NOBOX: variants seen among roughly 807,000 people sequenced by gnomAD.
NOBOX encodes NOBOX oogenesis homeobox, also known as homeobox protein NOBOX.
In NOBOX, 46 loss-of-function variants were observed where a neutral mutation model predicts 60.2. The ratio of observed to expected loss-of-function variants is 0.76; its 90% confidence interval spans 0.60 to 0.98. The LOEUF (loss-of-function observed/expected upper bound fraction) is 0.98. Ranked by LOEUF, NOBOX falls within the 50% of genes least tolerant of loss-of-function variation. The pLI is 0.00. For synonymous variants in NOBOX, 360 were observed against 346.3 expected, an observed-to-expected ratio of 1.04 and a Z score of -0.44; for missense variants, 880 against 865.5, an observed-to-expected ratio of 1.02 and a Z score of -0.21.
Position 144,401,560 on chromosome 7 carries a change from G to A in NOBOX, c.330C>T (p.Pro110=), listed in dbSNP as rs538752866. The change falls in exon 4 of 10, where the codon CCC becomes CCT. Residue 110 remains proline (P), a synonymous_variant. Coordinates refer to ENST00000467773, the MANE Select transcript of NOBOX (RefSeq NM_001080413.3). The surrounding 1 kb of genome is among the most constrained non-coding windows in gnomAD (Gnocchi z 4.2). The stretch of plus-strand genomic sequence containing the variant: ...AGCCCCGGAGCAGTTCCTCCTCCCC[G>A]GGTCCTGCAGCCAGGGGCTTCTCTC... 21 of 1,510,988 alleles carry A rather than the reference G, an allele frequency of 1.4e-5. No individual in the cohort carries two copies. The highest frequency in any genetic ancestry group is 9.7e-5 in the South Asian group (7 of 72,510). 93.6% of individuals were successfully genotyped at this position (1,510,988 alleles called of 1,614,324 possible).
intron 2 of NOBOX, 124 bp downstream of exon 1, chr7:144,403,524 ACCCGACTCC>A: frequency 8.3e-6 from 1 of 120,726 alleles, no homozygotes. Context: ...ACCCTACCCC[ACCCGACTCC>A]ACCCGGCCCT....
chr7:144,403,798 G>T (rs868751232), intron 2 of NOBOX, 105 bp from the exon 1 acceptor site: 2 of 406,042 alleles, frequency 4.9e-6, no homozygotes, highest in Non-Finnish European at 4.4e-6. Flanking sequence ...GGGCCGGGCC[G>T]GGGGAGCCGT....
At position 144,399,741 on chromosome 7, in the gene NOBOX, G is replaced by A; in HGVS notation, c.1154+16C>T. 1.3e-6 allele frequency: 2 copies of A among 1,588,992 alleles called. No individual in the cohort carries two copies. Among genetic ancestry groups the A allele is most frequent in the Non-Finnish European group, 1.7e-6 (2 of 1,162,854 alleles). ...TCTACCCACAGGGATGATACAGAAA[G>A]AGGAAGAATTCTGACCTGCATTGAC... is the stretch of plus-strand genomic sequence containing the variant. On this transcript the variant is annotated intron_variant, in intron 6 of 9. Coordinates refer to ENST00000467773, the MANE Select transcript of NOBOX (RefSeq NM_001080413.3).
At position 144,399,002 on chromosome 7, in the gene NOBOX, C is replaced by A. The variant is rs1471314394; in HGVS notation, c.1417G>T (p.Ala473Ser). The change falls in exon 8 of 10, where the codon GCT becomes TCT. Residue 473 changes from alanine to serine, a missense_variant. Coordinates refer to ENST00000467773, the MANE Select transcript of NOBOX (RefSeq NM_001080413.3). ...TCCTTGTGGCTGCTGTCACTGCCAG[C>A]AACATCCATCAGCAGTGGCATCAGT... 5 of 1,586,284 alleles carry A rather than the reference C, an allele frequency of 3.2e-6. No homozygotes were observed. Among genetic ancestry groups the A allele is most frequent in the Non-Finnish European group, 4.3e-6 (5 of 1,166,752 alleles).
intron 1 of NOBOX, among the ~76,000 whole-genome samples, chr7:144,409,200 A>G (rs192644587): frequency 6.6e-6 from 1 of 152,356 alleles, no homozygotes. Context: ...TTTGCTTAAT[A>G]GTAACTTTAA....
rs369112705 is a variant in NOBOX at position 144,400,334 on chromosome 7, G to T, written c.845-22C>A. ...TGATCTGAAAGAAGAAGAAACTTGTGTGAGGAGGACAAATGCCAGTGACAG... is the reference window on the plus strand; with the variant it reads ...TGATCTGAAAGAAGAAGAAACTTGTTTGAGGAGGACAAATGCCAGTGACAG... On this transcript the variant is annotated intron_variant, in intron 4 of 9. Coordinates refer to ENST00000467773, the MANE Select transcript of NOBOX (RefSeq NM_001080413.3). 5 of 1,607,628 alleles carry T rather than the reference G, an allele frequency of 3.1e-6. No homozygotes were observed. The Admixed American group carries it at 8.3e-5, about 27-fold the overall frequency.
chr7:144,408,370 A>G (rs566813742), intron 1 of NOBOX, among the ~76,000 whole-genome samples: 1 of 151,488 alleles, frequency 6.6e-6, no homozygotes, highest in South Asian at 2.1e-4. Context: ...CTCCCCTTGT[A>G]CTGTGTTTAC....
At position 144,398,264 on chromosome 7, in the gene NOBOX, C is replaced by A; in HGVS notation, c.1774+18G>T. The A allele has an allele frequency of 1.3e-6, 2 of 1,536,534 alleles. No individual in the cohort carries two copies. Among genetic ancestry groups the A allele is most frequent in the South Asian group, 2.4e-5 (2 of 83,912 alleles). Reference sequence around the variant, plus strand: ...TTCCTCAATCTCAAGGGGACCTTCTCTCCCAGCCTCAACTCACCTATATTC... The same window carrying A: ...TTCCTCAATCTCAAGGGGACCTTCTATCCCAGCCTCAACTCACCTATATTC... On this transcript the variant is annotated intron_variant, in intron 9 of 9. Transcript: ENST00000467773.
At chr7:144,408,419 G>T (rs1010424962) in intron 1 of NOBOX, among the ~76,000 whole-genome samples, 5 of 151,988 alleles carry the variant, frequency 3.3e-5, no homozygotes, top group African/African-American at 9.7e-5. Flanking sequence ...GAACTGATTA[G>T]CGTTTTGTGT....
At chr7:144,398,681 C>T in intron 8 of NOBOX, 95 bp from the exon 7 acceptor site, 2 of 883,596 alleles carry the variant, frequency 2.3e-6, no homozygotes, top group South Asian at 1.6e-5. Flanking sequence ...GCCTCCTCCT[C>T]ATCTCCATGG....
intron 5 of NOBOX, 126 bp from the exon 4 acceptor site, chr7:144,399,989 C>T (rs530619623): frequency 7.2e-4 from 936 of 1,298,324 alleles, no homozygotes; most frequent in Non-Finnish European, 9.3e-4. Context: ...TCTGAGCCCT[C>T]CGTCAGGCTG....
Position 144,401,689 on chromosome 7 carries a change from T to G in NOBOX, c.293-92A>C. On this transcript the variant is annotated intron_variant, in intron 3 of 9. Transcript: ENST00000467773. The surrounding 1 kb of genome is among the most constrained non-coding windows in gnomAD (Gnocchi z 4.2). ...GCTGCTTCCTGCTTTGCAAACGGTT[T>G]GATCTTAAGCTTTAATTTGTCTACC... The G allele has an allele frequency of 7.6e-7, 1 of 1,315,090 alleles. No individual in the cohort carries two copies. The highest frequency in any genetic ancestry group is 1.0e-6 in the Non-Finnish European group (1 of 972,662). The allele number at this position is 1,315,090 out of a possible 1,614,324, so 81.5% of individuals were successfully genotyped here.
Position 144,397,506 on chromosome 7 carries a change from G to C in NOBOX, c.1810C>G (p.Leu604Val). ...GGGCAGAACGGACCAGGGAAGGGCA[G>C]CTCTGGCAAACAGGGGTCACTCCAG... Residue 604 changes from leucine to valine, a missense_variant, in exon 10 of 10, where the codon CTG becomes GTG. Leu to Val is a conservative substitution (Grantham distance 32). Transcript: ENST00000467773. 1 of 1,535,748 alleles carries C rather than the reference G, an allele frequency of 6.5e-7. No individual in the cohort carries two copies.
At chr7:144,409,520 A>C (rs1378724114) in intron 1 of NOBOX, among the ~76,000 whole-genome samples, 1 of 152,220 alleles carries the variant, frequency 6.6e-6, no homozygotes, top group East Asian at 1.9e-4. Flanking sequence ...TGTCTCCCTT[A>C]AAATGTACTA....
chr7:144,406,293 C>T (rs577535702), intron 1 of NOBOX, among the ~76,000 whole-genome samples: 3 of 152,288 alleles, frequency 2.0e-5, no homozygotes, highest in South Asian at 2.1e-4. Flanking sequence ...CACAGTGGCT[C>T]ATGCCTGTAA....
intron 2 of NOBOX, among the ~76,000 whole-genome samples, chr7:144,402,812 C>T (rs1245342312): frequency 1.6e-5 from 2 of 125,046 alleles, no homozygotes; most frequent in East Asian, 2.4e-4. Context: ...GCTGCAGTGA[C>T]ATGGTGCAAT....
intron 5 of NOBOX, 150 bp downstream of exon 3, chr7:144,400,056 C>T: frequency 6.4e-7 from 1 of 1,564,054 alleles, no homozygotes; most frequent in Non-Finnish European, 8.7e-7. Flanking sequence ...GGCTGTGGCA[C>T]TCTGGAAACA....
At chr7:144,402,747 CAT>C (rs1491576207) in intron 2 of NOBOX, among the ~76,000 whole-genome samples, 4 of 109,138 alleles carry the variant, frequency 3.7e-5, no homozygotes, top group African/African-American at 1.4e-4. Flanking sequence ...TAAGGAATAA[CAT>C]TTTTTTTTTT....
At position 144,399,844 on chromosome 7, in the gene NOBOX, C is replaced by G; in HGVS notation, c.1067G>C (p.Arg356Pro). 6.2e-7 allele frequency: 1 copy of G among 1,611,938 alleles called. No homozygotes were observed. Among genetic ancestry groups the G allele is most frequent in the Non-Finnish European group, 8.5e-7 (1 of 1,178,472 alleles). ...TTTCTCCATTTTTCGCCACTTGGCC[C>G]GGCGATTCTGGAACCACACCTATGG... Residue 356 changes from arginine (R) to proline (P), a missense_variant, in exon 6 of 10, where the codon CGG becomes CCG. Physicochemically the swap from Arg to Pro is moderately radical, Grantham distance 103. Coordinates refer to ENST00000467773, the MANE Select transcript of NOBOX (RefSeq NM_001080413.3).
Sources: gnomAD v4.1 joint callset for allele counts (sites outside exome capture counted in the v4.1 genomes callset) on GRCh38, gnomAD v4.1.1 for gene constraint, Gnocchi (gnomAD v3.1) non-coding constraint, MANE v1.5 for transcripts, NCBI Gene and HGNC (gene_info 2026-07-23, HGNC 2026-07-21) for gene names.